ARFGEF3: variants seen among roughly 807,000 people sequenced by gnomAD.
The protein encoded by ARFGEF3 is ARFGEF family member 3.
In ARFGEF3, 96 loss-of-function variants were observed where a neutral mutation model predicts 221.7. The observed-to-expected ratio is 0.43, with a 90% CI of 0.37 to 0.51. The LOEUF is 0.51. Ranked by LOEUF, ARFGEF3 falls within the 20% of genes least tolerant of loss-of-function variation. The pLI is 0.00. For missense variants in ARFGEF3, 2,410 were observed against 2,789.9 expected (o/e 0.86, Z 3.07); for synonymous variants, 1,145 against 1,126.8 (o/e 1.02, Z -0.32).
intron 10 of ARFGEF3, among the ~76,000 whole-genome samples, chr6:138,258,553 T>C (rs1390872965): frequency 6.6e-6 from 1 of 152,174 alleles, no homozygotes; most frequent in Admixed American, 6.5e-5. Context: ...ACTGATCGGG[T>C]TCTTCTTGAA....
At chr6:138,245,313 C>A (rs1778465353) in intron 7 of ARFGEF3, among the ~76,000 whole-genome samples, 200 bp from the exon 8 acceptor site, 1 of 152,072 alleles carries the variant, frequency 6.6e-6, no homozygotes, top group South Asian at 2.1e-4. Context: ...AAAAAATAAA[C>A]AAACAAACAA....
chr6:138,303,594 A>G (rs1460656952), intron 22 of ARFGEF3, among the ~76,000 whole-genome samples: 2 of 152,044 alleles, frequency 1.3e-5, no homozygotes, highest in Non-Finnish European at 2.9e-5. Context: ...CACGAGGTCA[A>G]GAGATGGAGA....
At chr6:138,260,420 A>G (rs1262444274) in intron 10 of ARFGEF3, among the ~76,000 whole-genome samples, 1 of 152,214 alleles carries the variant, frequency 6.6e-6, no homozygotes, top group Non-Finnish European at 1.5e-5. Flanking sequence ...CTTTCCTTGA[A>G]TCAATTTAGC....
At chr6:138,254,098 G>A (rs1307314222) in intron 9 of ARFGEF3, 114 bp downstream of exon 9, 4 of 628,554 alleles carry the variant, frequency 6.4e-6, no homozygotes, top group South Asian at 2.3e-5. Flanking sequence ...AGTTTCATCT[G>A]TGCGTAAATG....
At chr6:138,332,175 G>C (rs1474871501) in intron 32 of ARFGEF3, among the ~76,000 whole-genome samples, 1 of 152,130 alleles carries the variant, frequency 6.6e-6, no homozygotes, top group Non-Finnish European at 1.5e-5. Context: ...TCACCCCTCT[G>C]GTGGTGCTTC....
chr6:138,317,197 G>A, intron 26 of ARFGEF3, 54 bp from the exon 27 acceptor site: 1 of 1,585,396 alleles, frequency 6.3e-7, no homozygotes, highest in Non-Finnish European at 8.6e-7. Flanking sequence ...ATCTTGAGAT[G>A]ATTATTCATT....
chr6:138,296,179 G>T (rs945310952), intron 20 of ARFGEF3, among the ~76,000 whole-genome samples: 1 of 152,150 alleles, frequency 6.6e-6, no homozygotes, highest in African/African-American at 2.4e-5. Flanking sequence ...ACTAAAACAA[G>T]ACAGAGAAGG....
chr6:138,204,339 CAAAAAAAAAAA>C (rs11336345), intron 2 of ARFGEF3, among the ~76,000 whole-genome samples: 1 of 60,430 alleles, frequency 1.7e-5, no homozygotes, highest in Non-Finnish European at 3.4e-5. Flanking sequence ...ACTCCATCTC[CAAAAAAAAAAA>C]AAAAAAAAAA....
chr6:138,229,596 G>A (rs1032073170), intron 4 of ARFGEF3, among the ~76,000 whole-genome samples, 188 bp from the exon 5 acceptor site: 3 of 152,168 alleles, frequency 2.0e-5, no homozygotes, highest in African/African-American at 7.2e-5. Context: ...TTACAGGATG[G>A]TCTCTACTTT....
At chr6:138,243,744 G>A (rs1778434019) in intron 7 of ARFGEF3, among the ~76,000 whole-genome samples, 1 of 151,898 alleles carries the variant, frequency 6.6e-6, no homozygotes, top group African/African-American at 2.4e-5. Context: ...AGAATGAAAA[G>A]GAGAGAAACA....
At chr6:138,293,737 G>A (rs1336709586) in intron 19 of ARFGEF3, among the ~76,000 whole-genome samples, 8 of 152,182 alleles carry the variant, frequency 5.3e-5, no homozygotes, top group East Asian at 1.9e-4. Context: ...CATTTTATGA[G>A]TGCCTACCAT....
At chr6:138,258,549 C>A (rs937045120) in intron 10 of ARFGEF3, among the ~76,000 whole-genome samples, 1 of 152,174 alleles carries the variant, frequency 6.6e-6, no homozygotes, top group Non-Finnish European at 1.5e-5. Flanking sequence ...GACCACTGAT[C>A]GGGTTCTTCT....
intron 31 of ARFGEF3, among the ~76,000 whole-genome samples, chr6:138,326,092 A>C (rs1053998549): frequency 3.3e-5 from 5 of 152,052 alleles, no homozygotes; most frequent in Non-Finnish European, 7.4e-5. Context: ...CCAGACCTCA[A>C]GTCATCCACC....
intron 2 of ARFGEF3, among the ~76,000 whole-genome samples, chr6:138,170,974 A>C (rs1776817826): frequency 6.6e-6 from 1 of 152,228 alleles, no homozygotes; most frequent in Non-Finnish European, 1.5e-5. Flanking sequence ...AGGGTGGAAC[A>C]GAGAAGAGAG....
rs534617340 is a variant in ARFGEF3 at position 138,321,363 on chromosome 6, G to A, written c.4766+138G>A. 143 of 594,072 alleles carry A rather than the reference G, an allele frequency of 2.4e-4. 1 individual carries two copies. Among genetic ancestry groups the A allele is most frequent in the Non-Finnish European group, 8.9e-5 (30 of 336,706 alleles). The allele number at this position is 594,072 out of a possible 1,614,324, so 36.8% of individuals were successfully genotyped here. ...TAGACTTTTGTAATTAAAAATGACTGTGCTAATAATTCTTCATTTCAGTGT... is the reference window on the plus strand; with the variant it reads ...TAGACTTTTGTAATTAAAAATGACTATGCTAATAATTCTTCATTTCAGTGT... On this transcript the variant is annotated intron_variant, in intron 29 of 33. Coordinates refer to ENST00000251691, the MANE Select transcript of ARFGEF3 (RefSeq NM_020340.5).
chr6:138,186,902 C>CTTTTTTTTTTT (rs71693484), intron 2 of ARFGEF3, among the ~76,000 whole-genome samples: 1 of 76,044 alleles, frequency 1.3e-5, no homozygotes, highest in South Asian at 6.3e-4. Context: ...CATCCTTTTT[C>CTTTTTTTTTTT]TTTTTTTTTT....
rs955108652 is a variant in ARFGEF3, at chr6:138,343,919, G to A, written c.*7433G>A. ...AGAATATCCAGGTGTGGCATGATGG[G>A]GCAGGAGGAGGTGCCTAGAGGGAAA... On this transcript the variant is annotated 3_prime_UTR_variant, in exon 34 of 34. Transcript: ENST00000251691. The A allele has an allele frequency of 1.3e-5, 2 of 152,198 alleles. No individual in the cohort carries two copies. Among genetic ancestry groups the A allele is most frequent in the Non-Finnish European group, 1.5e-5 (1 of 68,044 alleles). 9.4% of individuals were successfully genotyped at this position (152,198 alleles called of 1,614,324 possible).
chr6:138,201,174 G>GT (rs1777528715), intron 2 of ARFGEF3, among the ~76,000 whole-genome samples: 1 of 152,004 alleles, frequency 6.6e-6, no homozygotes, highest in Non-Finnish European at 1.5e-5. Context: ...AAAAGTAGAT[G>GT]TTTTTTGTGG....
rs1432040772 is a variant in ARFGEF3 at position 138,290,256 on chromosome 6, ATAAT to A, written c.3047+290_3047+293del. On this transcript the variant is annotated intron_variant, in intron 18 of 33. Coordinates refer to ENST00000251691, the MANE Select transcript of ARFGEF3 (RefSeq NM_020340.5). ...GAAGGAAGGAAGAAAAACCAATTAA[ATAAT>A]TGATTGAGATGACTAAGTGAATACT... 3.3e-5 allele frequency among the ~76,000 whole-genome samples: 5 copies of A among 152,352 alleles called. 1 individual carries two copies. The highest frequency in any genetic ancestry group is 9.6e-5 in the African/African-American group (4 of 41,588).
Sources: gnomAD v4.1 joint callset for allele counts (sites outside exome capture counted in the v4.1 genomes callset) on GRCh38, gnomAD v4.1.1 for gene constraint, MANE v1.5 for transcripts, NCBI Gene and HGNC (gene_info 2026-07-23, HGNC 2026-07-21) for gene names.